MICAL3: variants seen among roughly 807,000 people sequenced by gnomAD.
The protein encoded by MICAL3 is microtubule associated monooxygenase, calponin and LIM domain containing 3.
MICAL3 carries 62 observed loss-of-function variants against 207.4 expected under a neutral mutation model. That is an observed-to-expected ratio of 0.30 (90% CI 0.24 to 0.37). The LOEUF is 0.37. MICAL3 is among the 10% of genes least tolerant of loss of function. MICAL3 has a pLI of 1.00. For synonymous variants in MICAL3, 1,077 were observed against 1,069.3 expected (o/e 1.01, Z -0.14); for missense variants, 2,368 against 2,635.6 (o/e 0.90, Z 2.22).
intron 16 of MICAL3, chr22:17,877,022 GGTTAT>G (rs1569109700): frequency 1.6e-5 from 1 of 61,086 alleles, no homozygotes; most frequent in African/African-American, 9.3e-5. Flanking sequence ...AGGTTATGGA[GGTTAT>G]GGAGGTTAGG....
In MICAL3 at chr22:17,976,576, TA is replaced by T. The variant is rs1569154138; in HGVS notation, c.-75+47704del. Among the ~76,000 whole-genome samples the T allele has an allele frequency of 1.9e-3, 188 of 97,942 alleles. 1 individual carries two copies. Among genetic ancestry groups the T allele is most frequent in the African/African-American group, 8.4e-3 (181 of 21,604 alleles). The allele number at this position is 97,942 out of a possible 152,430, so 64.3% of individuals were successfully genotyped here. ...GTGTGTGTGTGTATATATATATATA[TA>T]TATATATATATATTTTTTTTTTTTT... On this transcript the variant is annotated intron_variant, in intron 1 of 31. Transcript: ENST00000441493.
At chr22:17,847,363 G>A (rs188499127) in intron 19 of MICAL3, among the ~76,000 whole-genome samples, 9 of 152,366 alleles carry the variant, frequency 5.9e-5, no homozygotes, top group Non-Finnish European at 1.2e-4. Context: ...GAAAGGTGCT[G>A]TGTACACAGA....
Position 17,817,453 on chromosome 22 carries a change from G to C in MICAL3, c.5208C>G (p.Pro1736=), listed in dbSNP as rs777784034. 2 of 1,613,780 alleles carry C rather than the reference G, an allele frequency of 1.2e-6. No homozygotes were observed. Among genetic ancestry groups the C allele is most frequent in the Non-Finnish European group, 1.7e-6 (2 of 1,179,870 alleles). Residue 1736 remains proline (P), a synonymous_variant, in exon 26 of 32, where the codon CCC becomes CCG. Transcript: ENST00000441493. The part of the protein sequence containing the change: ...SNLLEEAAAK[P]KSLWKSVFSG... ...AGAAGACGGACTTCCACAGGGACTT[G>C]GGTTTGGCGGCGGCTTCTTCTAGGA...
intron 19 of MICAL3, among the ~76,000 whole-genome samples, chr22:17,843,596 A>T (rs891874145): frequency 2.0e-5 from 3 of 152,226 alleles, no homozygotes; most frequent in African/African-American, 7.2e-5. Flanking sequence ...CGATGCACAC[A>T]TACTCATGTG....
chr22:17,979,636 G>C (rs761346976), intron 1 of MICAL3, among the ~76,000 whole-genome samples: 1 of 152,026 alleles, frequency 6.6e-6, no homozygotes, highest in Non-Finnish European at 1.5e-5. Context: ...GGCATCCAGC[G>C]CCTTCTACAA....
intron 29 of MICAL3, among the ~76,000 whole-genome samples, chr22:17,803,081 A>C (rs116657618): frequency 0.014 from 2,085 of 152,294 alleles, 38 homozygotes; most frequent in African/African-American, 0.046. Flanking sequence ...GCCTCACCCC[A>C]GAGTTTCTGA....
chr22:18,007,779 C>T (rs982122290), intron 1 of MICAL3, among the ~76,000 whole-genome samples: 9 of 151,354 alleles, frequency 5.9e-5, no homozygotes, highest in South Asian at 2.1e-4. Context: ...AAAAATTAGC[C>T]GGGCATGGTG....
At position 17,865,382 on chromosome 22, in the gene MICAL3, G is replaced by A. The variant is rs368326425; in HGVS notation, c.2518-396C>T. 3.2e-4 allele frequency among the ~76,000 whole-genome samples: 49 copies of A among 152,292 alleles called. No individual in the cohort carries two copies. In the East Asian group the frequency reaches 6.8e-3, roughly 21 times the overall value. On this transcript the variant is annotated intron_variant, in intron 18 of 31. Coordinates refer to ENST00000441493, the MANE Select transcript of MICAL3 (RefSeq NM_015241.3). ...TGCTGAAGAGACTGCTGGGTTCACC[G>A]CGACAAAGACAGGTGGAGAAGCCAC...
intron 1 of MICAL3, among the ~76,000 whole-genome samples, chr22:18,002,732 T>G (rs1923121934): frequency 6.6e-6 from 1 of 152,142 alleles, no homozygotes; most frequent in Non-Finnish European, 1.5e-5. Flanking sequence ...CATCATCTGG[T>G]CCAATGAGGA....
In MICAL3 at chr22:17,818,205, C is replaced by A. The variant is rs769101910; in HGVS notation, c.4456G>T (p.Val1486Phe). 3.9e-6 allele frequency: 6 copies of A among 1,553,490 alleles called. No homozygotes were observed. Among genetic ancestry groups the A allele is most frequent in the Non-Finnish European group, 5.2e-6 (6 of 1,156,220 alleles). The change falls in exon 26 of 32, where the codon GTC (valine) becomes TTC (phenylalanine). Residue 1486 changes from valine to phenylalanine, a missense_variant. Physicochemically the swap from Val to Phe is conservative, Grantham distance 50. Coordinates refer to ENST00000441493, the MANE Select transcript of MICAL3 (RefSeq NM_015241.3). ...CAGGTGGCGGGCAAGGGCGGCGGGA[C>A]CACCGAGGCATTGGGCTCGGCCTCC... ...LREAEPNASV[V>F]PPPLPATWMR...
At position 17,861,104 on chromosome 22, in the gene MICAL3, T is replaced by C. The variant is rs1467791405; in HGVS notation, c.2605+3795A>G. On this transcript the variant is annotated intron_variant, in intron 19 of 31. Coordinates refer to ENST00000441493, the MANE Select transcript of MICAL3 (RefSeq NM_015241.3). ...GAATTCTCTTGCTCCACTAAAAAGC[T>C]TTCCATAAATGCCTAGAAGGGAAGG... is the stretch of plus-strand genomic sequence containing the variant. The C allele has an allele frequency of 4.1e-6, 4 of 985,314 alleles. No individual in the cohort carries two copies. In the African/African-American group the frequency reaches 5.2e-5, roughly 13 times the overall value. The allele number at this position is 985,314 out of a possible 1,614,324, so 61.0% of individuals were successfully genotyped here. A position where few individuals can be genotyped will look rare whatever the true frequency, so the allele number is the denominator to read the frequency against.
intron 1 of MICAL3, among the ~76,000 whole-genome samples, chr22:17,963,544 G>A (rs1180979419): frequency 6.6e-6 from 1 of 152,080 alleles, no homozygotes; most frequent in African/African-American, 2.4e-5. Context: ...CCACGGCCAA[G>A]CGCCATCCTG....
At chr22:17,996,802 G>A (rs548704011) in intron 1 of MICAL3, among the ~76,000 whole-genome samples, 199 of 152,202 alleles carry the variant, frequency 1.3e-3, no homozygotes, top group Middle Eastern at 3.4e-3. Context: ...GAAGTACACC[G>A]GAAGCTAAAG....
chr22:17,809,570 G>A (rs1483315023), intron 28 of MICAL3, among the ~76,000 whole-genome samples: 1 of 152,248 alleles, frequency 6.6e-6, no homozygotes, highest in Non-Finnish European at 1.5e-5. Flanking sequence ...GGAGGCAGAG[G>A]TTGCAGTGAG....
At chr22:17,823,235 G>T (rs1438723590) in intron 22 of MICAL3, among the ~76,000 whole-genome samples, 175 bp from the exon 23 acceptor site, 7 of 152,222 alleles carry the variant, frequency 4.6e-5, no homozygotes, top group Non-Finnish European at 7.3e-5. Context: ...TGCTGGGGGG[G>T]GCCCGGGGCC....
chr22:17,840,672 T>C (rs2587109), intron 20 of MICAL3: 69,948 of 152,184 alleles, frequency 0.46, 18,410 homozygotes, highest in African/African-American at 0.74. Context: ...TTTATAAATG[T>C]GTTTTGACAC....
rs748055979 is a variant in MICAL3, at chr22:17,796,523, G to C, written c.5651-5222C>G. ...AGGCTCAACGGAGTTAAGTGTGGCA[G>C]AGCCTGGAAAAGAAGCCAAATCTTC... On this transcript the variant is annotated intron_variant, in intron 29 of 31. Coordinates refer to ENST00000441493, the MANE Select transcript of MICAL3 (RefSeq NM_015241.3). The surrounding 1 kb of genome is among the most constrained non-coding windows in gnomAD (Gnocchi z 4.4). Among the ~76,000 whole-genome samples, 1 of 152,232 alleles carries C rather than the reference G, an allele frequency of 6.6e-6. No individual in the cohort carries two copies. The highest frequency in any genetic ancestry group is 1.5e-5 in the Non-Finnish European group (1 of 68,044).
intron 1 of MICAL3, among the ~76,000 whole-genome samples, chr22:17,918,676 T>G (rs909871247): frequency 6.6e-6 from 1 of 151,198 alleles, no homozygotes; most frequent in Non-Finnish European, 1.5e-5. Flanking sequence ...CTCTGTTGCC[T>G]CCTTTCCTGC....
chr22:17,978,064 AT>A (rs60579894), intron 1 of MICAL3, among the ~76,000 whole-genome samples: 40,325 of 151,704 alleles, frequency 0.27, 5,810 homozygotes, highest in African/African-American at 0.37. Flanking sequence ...AAATAAAAAA[AT>A]ATACACCTAC....
Sources: allele counts gnomAD v4.1 joint callset (sites outside exome capture counted in the v4.1 genomes callset), GRCh38; gene constraint gnomAD v4.1.1; non-coding constraint Gnocchi (gnomAD v3.1); transcripts MANE v1.5; gene names NCBI Gene and HGNC (gene_info 2026-07-23, HGNC 2026-07-21).